The following NAV3 variants were observed in gnomAD, a reference collection of about 807,000 sequenced individuals.
NAV3 encodes the protein pore membrane and/or filament interacting like protein 1.
NAV3 carries 87 observed loss-of-function variants against 244.7 expected under a neutral mutation model. The ratio of observed to expected loss-of-function variants is 0.36; its 90% CI spans 0.30 to 0.42. The LOEUF is 0.42. NAV3 is among the 20% of genes least tolerant of loss of function. The probability of loss-of-function intolerance (pLI) is 1.00; values close to 1 mark genes in which losing one functional copy is unlikely to be tolerated. For synonymous variants in NAV3, 1,126 were observed against 1,042.2 expected (o/e 1.08, Z -1.55); for missense variants, 2,663 against 2,893.3 (o/e 0.92, Z 1.83).
chr12:77,640,512 T>C (rs1391044388), intron 2 of NAV3, among the ~76,000 whole-genome samples: 1 of 152,176 alleles, frequency 6.6e-6, no homozygotes, highest in Non-Finnish European at 1.5e-5. Flanking sequence ...ATATAAGTGA[T>C]ATCATACAGT....
At chr12:77,843,523 AT>A (rs577447748) in intron 1 of NAV3, among the ~76,000 whole-genome samples, 6,430 of 139,962 alleles carry the variant, frequency 0.046, 156 homozygotes, top group Admixed American at 0.07. Context: ...TTAAATTCCT[AT>A]TTTTTTTTTT....
intron 22 of NAV3, 53 bp downstream of exon 22, chr12:78,148,972 T>C: frequency 2.8e-6 from 4 of 1,431,442 alleles, no homozygotes; most frequent in Non-Finnish European, 3.9e-6. Flanking sequence ...TAGAGGAAAA[T>C]GAAATCATTT....
chr12:77,669,479 CAT>C (rs1207775516), intron 2 of NAV3, among the ~76,000 whole-genome samples: 1 of 151,998 alleles, frequency 6.6e-6, no homozygotes, highest in African/African-American at 2.4e-5. Flanking sequence ...TCAGGACTCA[CAT>C]AAACTTAAGG....
At chr12:77,879,236 T>C (rs1447032575) in intron 1 of NAV3, among the ~76,000 whole-genome samples, 5 of 152,200 alleles carry the variant, frequency 3.3e-5, no homozygotes, top group Non-Finnish European at 7.3e-5. Context: ...CATGCGATTT[T>C]AGAGCAGCAA....
chr12:77,724,290 T>C (rs1397136203), intron 2 of NAV3, among the ~76,000 whole-genome samples: 1 of 151,980 alleles, frequency 6.6e-6, no homozygotes, highest in Non-Finnish European at 1.5e-5. Flanking sequence ...TGTATTTTTT[T>C]CTGAGAATAG....
chr12:78,058,205 A>G (rs1039590218), intron 11 of NAV3, among the ~76,000 whole-genome samples: 2 of 152,062 alleles, frequency 1.3e-5, no homozygotes, highest in Admixed American at 1.3e-4. Flanking sequence ...GCTAATAAAG[A>G]CATATTTGAG....
Position 78,013,518 on chromosome 12 carries a change from C to T in NAV3, c.1907+6073C>T, listed in dbSNP as rs115315088. Among the ~76,000 whole-genome samples, 585 of 152,170 alleles carry T rather than the reference C, an allele frequency of 3.8e-3. 8 individuals carry two copies. The highest frequency in any genetic ancestry group is 0.014 in the African/African-American group (565 of 41,548). ...ACATAAACAAAGTCAATAAAAGATA[C>T]GTAGGCTGGTCGGCAAGTAGGTCAG... On this transcript the variant is annotated intron_variant, in intron 8 of 39. Coordinates refer to ENST00000397909, the MANE Select transcript of NAV3 (RefSeq NM_001024383.2).
At chr12:77,895,112 A>C (rs1468866861) in intron 1 of NAV3, among the ~76,000 whole-genome samples, 1 of 152,142 alleles carries the variant, frequency 6.6e-6, no homozygotes, top group Non-Finnish European at 1.5e-5. Flanking sequence ...AGATAGAAAA[A>C]GGACAGGAGT....
At chr12:78,005,284 T>C (rs1203686887) in intron 7 of NAV3, among the ~76,000 whole-genome samples, 1 of 152,230 alleles carries the variant, frequency 6.6e-6, no homozygotes, top group Non-Finnish European at 1.5e-5. Flanking sequence ...CCAGGTGAAC[T>C]CAGAGCTAGC....
chr12:78,204,882 TGCTGAATAGAA>T (rs1187204447), intron 38 of NAV3, 42 bp from the exon 39 acceptor site: 1 of 1,540,966 alleles, frequency 6.5e-7, no homozygotes, highest in Admixed American at 1.8e-5. Context: ...TCCCCTTTTT[TGCTGAATAGAA>T]ATGCATTTTA....
intron 2 of NAV3, among the ~76,000 whole-genome samples, chr12:77,618,956 C>A (rs1871249891): frequency 6.6e-6 from 1 of 152,162 alleles, no homozygotes; most frequent in Admixed American, 6.5e-5. Context: ...TTGTGTTATG[C>A]AACCAGAAAA....
intron 2 of NAV3, among the ~76,000 whole-genome samples, chr12:77,748,179 T>C (rs546773483): frequency 6.6e-6 from 1 of 152,324 alleles, no homozygotes; most frequent in Non-Finnish European, 1.5e-5. Context: ...TCCAGTGCTA[T>C]CTCCTGCTAC....
chr12:77,788,453 T>G (rs1871010755), intron 2 of NAV3, among the ~76,000 whole-genome samples: 1 of 152,250 alleles, frequency 6.6e-6, no homozygotes, highest in South Asian at 2.1e-4. Context: ...GCCAAGTTTC[T>G]TAACCTCTCT....
intron 5 of NAV3, among the ~76,000 whole-genome samples, chr12:77,982,966 G>A (rs1046011769): frequency 6.6e-6 from 1 of 152,178 alleles, no homozygotes; most frequent in African/African-American, 2.4e-5. Context: ...GACTCTAAGA[G>A]ATGGGTGGAT....
In NAV3 at chr12:78,107,915, T is replaced by C. The variant is rs545703383; in HGVS notation, c.2637-8857T>C. Among the ~76,000 whole-genome samples the C allele has an allele frequency of 1.8e-4, 27 of 151,954 alleles. No individual in the cohort carries two copies. The East Asian group carries it at 4.5e-3, about 25-fold the overall frequency. ...TAAGGGAAAAAGAAAGGAACAAAAA[T>C]ATATAAGACAACGAATAAACAACAA... On this transcript the variant is annotated intron_variant, in intron 12 of 39. Transcript: ENST00000397909.
chr12:77,957,051 G>A (rs1171174471), intron 3 of NAV3, among the ~76,000 whole-genome samples: 3 of 152,096 alleles, frequency 2.0e-5, no homozygotes, highest in Non-Finnish European at 4.4e-5. Context: ...GCCCAACTTA[G>A]CTTTTAAGTC....
intron 2 of NAV3, among the ~76,000 whole-genome samples, chr12:77,691,356 C>CTAT: frequency 9.2e-6 from 1 of 108,628 alleles, no homozygotes; most frequent in African/African-American, 3.4e-5. Context: ...TATATATATA[C>CTAT]ATATCCATTC....
At chr12:77,924,225 G>C (rs1221600429) in intron 1 of NAV3, among the ~76,000 whole-genome samples, 1 of 152,110 alleles carries the variant, frequency 6.6e-6, no homozygotes, top group African/African-American at 2.4e-5. Flanking sequence ...GTTTTACCTG[G>C]ATATATCCCA....
At position 78,025,420 on chromosome 12, in the gene NAV3, A is replaced by T. The variant is rs147745439; in HGVS notation, c.2023+3558A>T. On this transcript the variant is annotated intron_variant, in intron 9 of 39. Coordinates refer to ENST00000397909, the MANE Select transcript of NAV3 (RefSeq NM_001024383.2). Reference sequence around the variant, plus strand: ...AAACCAGCCTGGCCAACACAGTGAAACCTCATCTTTACTAAAAGTACAAAC... The same window carrying T: ...AAACCAGCCTGGCCAACACAGTGAATCCTCATCTTTACTAAAAGTACAAAC... Among the ~76,000 whole-genome samples the T allele has an allele frequency of 3.1e-3, 468 of 151,744 alleles. 3 individuals are homozygous for T. The highest frequency in any genetic ancestry group is 0.016 in the South Asian group (75 of 4,788).
Sources: gnomAD v4.1 joint callset for allele counts (sites outside exome capture counted in the v4.1 genomes callset) on GRCh38, gnomAD v4.1.1 for gene constraint, MANE v1.5 for transcripts, NCBI Gene and HGNC (gene_info 2026-07-23, HGNC 2026-07-21) for gene names.